C8orf74: variants seen among roughly 807,000 people sequenced by gnomAD.
C8orf74 encodes chromosome 8 open reading frame 74, also known as uncharacterized protein C8orf74.
In C8orf74, 29 loss-of-function variants were observed where a neutral mutation model predicts 22.2. That is an observed-to-expected ratio of 1.31 (90% confidence interval 0.97 to 1.78). The LOEUF is 1.78. Ranked by LOEUF, C8orf74 falls within the 40% of genes most tolerant of loss-of-function variation. The pLI, the probability that C8orf74 is intolerant of heterozygous loss-of-function variation, is 0.00. For missense variants in C8orf74, 515 were observed against 369.9 expected (o/e 1.39, Z -3.22); for synonymous variants, 255 against 163.1 (o/e 1.56, Z -4.30).
At chr8:10,696,778 T>C (rs1426394888) in intron 2 of C8orf74, among the ~76,000 whole-genome samples, 1 of 152,096 alleles carries the variant, frequency 6.6e-6, no homozygotes, top group Non-Finnish European at 1.5e-5. Flanking sequence ...GGGAATTCCT[T>C]TTCTACATTC....
intron 2 of C8orf74, among the ~76,000 whole-genome samples, chr8:10,685,008 C>A (rs577252505): frequency 6.6e-6 from 1 of 152,324 alleles, no homozygotes; most frequent in South Asian, 2.1e-4. Context: ...GATCCACTCC[C>A]CACAGGGGGC....
chr8:10,699,995 G>A (rs370329507), intron 3 of C8orf74, among the ~76,000 whole-genome samples: 69 of 152,342 alleles, frequency 4.5e-4, no homozygotes, highest in East Asian at 9.7e-4. Flanking sequence ...CCCATAGTCC[G>A]TGGCCATGGC....
chr8:10,699,777 G>A (rs1342124218), intron 3 of C8orf74, among the ~76,000 whole-genome samples: 1 of 152,224 alleles, frequency 6.6e-6, no homozygotes, highest in African/African-American at 2.4e-5. Context: ...GATGGTGGGG[G>A]CCCAGGGTAT....
At chr8:10,673,909 G>A in intron 1 of C8orf74, among the ~76,000 whole-genome samples, 1 of 150,088 alleles carries the variant, frequency 6.7e-6, no homozygotes, top group African/African-American at 2.5e-5. Context: ...ATCATACCCT[G>A]CAACCTCGAT....
chr8:10,683,556 TG>T (rs1197703339), intron 2 of C8orf74, among the ~76,000 whole-genome samples: 1 of 152,182 alleles, frequency 6.6e-6, no homozygotes, highest in African/African-American at 2.4e-5. Flanking sequence ...TGGGGGATGA[TG>T]ACCATGAGGA....
At chr8:10,680,783 G>T (rs955388932) in intron 2 of C8orf74, among the ~76,000 whole-genome samples, 3 of 152,150 alleles carry the variant, frequency 2.0e-5, no homozygotes, top group Non-Finnish European at 2.9e-5. Flanking sequence ...AGGCGGCCAG[G>T]GGCAGAAAGA....
intron 2 of C8orf74, among the ~76,000 whole-genome samples, chr8:10,690,016 T>C (rs13259038): frequency 0.11 from 16,311 of 152,178 alleles, 1,166 homozygotes; most frequent in Middle Eastern, 0.23. Flanking sequence ...ACCCACGTTG[T>C]CCCAGAGTCA....
Position 10,674,796 on chromosome 8 carries a change from C to T in C8orf74, c.199C>T (p.Gln67Ter). 1 of 1,605,870 alleles carries T rather than the reference C, an allele frequency of 6.2e-7. No individual in the cohort carries two copies. The highest frequency in any genetic ancestry group is 1.7e-4 in the Middle Eastern group (1 of 6,050). Residue 67 changes from glutamine to a stop codon, truncating the protein, a stop_gained, in exon 2 of 4, where the codon CAG becomes TAG. Transcript: ENST00000304519. LOFTEE classifies it high-confidence loss of function. ...AGGCTTCCCATGGGTGGAGGTGGCC[C>T]AGGTGGTCAAGTTCACAGAAGAGCT... ...GKGFPWVEVA[Q>*]VVKFTEELLR...
At chr8:10,674,151 T>G (rs1798975124) in intron 1 of C8orf74, among the ~76,000 whole-genome samples, 1 of 108,022 alleles carries the variant, frequency 9.3e-6, no homozygotes, top group South Asian at 3.4e-4. Context: ...AGACCACACA[T>G]CACACCCTGC....
At chr8:10,675,480 C>T (rs1268970602) in intron 2 of C8orf74, 1 of 152,254 alleles carries the variant, frequency 6.6e-6, no homozygotes, top group Non-Finnish European at 1.5e-5. Flanking sequence ...TGAGAACCAT[C>T]CATGGGTGCT....
At chr8:10,692,085 T>C (rs982268110) in intron 2 of C8orf74, 3 of 152,350 alleles carry the variant, frequency 2.0e-5, no homozygotes, top group Admixed American at 1.3e-4. Flanking sequence ...CAGAGCTCCT[T>C]CTTATCTCAC....
At chr8:10,696,816 A>G (rs1799511457) in intron 2 of C8orf74, among the ~76,000 whole-genome samples, 1 of 152,206 alleles carries the variant, frequency 6.6e-6, no homozygotes, top group Admixed American at 6.5e-5. Flanking sequence ...AGTTAGAAGT[A>G]GAAACAAGAT....
intron 2 of C8orf74, among the ~76,000 whole-genome samples, chr8:10,676,808 A>G (rs913506387): frequency 3.3e-5 from 5 of 152,114 alleles, no homozygotes; most frequent in Admixed American, 2.0e-4. Context: ...CCAGAGTTCA[A>G]TCCCGGTGTC....
Position 10,700,373 on chromosome 8 carries a change from A to AACCCCCCCC in C8orf74, c.787_788insACCCCCCCC (p.Thr263delinsAsnProProPro). The AACCCCCCCC allele has an allele frequency of 1.3e-6, 1 of 755,324 alleles. No individual in the cohort carries two copies. Among genetic ancestry groups the AACCCCCCCC allele is most frequent in the Non-Finnish European group, 2.1e-6 (1 of 480,358 alleles). The allele number at this position is 755,324 out of a possible 1,614,324, so 46.8% of individuals were successfully genotyped here. On this transcript the variant is annotated protein_altering_variant, in exon 4 of 4. Coordinates refer to ENST00000304519, the MANE Select transcript of C8orf74 (RefSeq NM_001040032.2). The stretch of plus-strand genomic sequence containing the variant: ...GAAGACTCTGAACCTCAACGCCCCC[A>AACCCCCCCC]CCCCTATCCCGCCCCCCATCACCAG...
intron 2 of C8orf74, among the ~76,000 whole-genome samples, chr8:10,685,318 G>C (rs1472966226): frequency 6.6e-6 from 1 of 152,212 alleles, no homozygotes; most frequent in Non-Finnish European, 1.5e-5. Flanking sequence ...ATTGAAAGTG[G>C]AGACTTGGGG....
chr8:10,688,305 A>T (rs1378239249), intron 2 of C8orf74: 1 of 152,182 alleles, frequency 6.6e-6, no homozygotes, highest in African/African-American at 2.4e-5. Flanking sequence ...GACTTCTAAC[A>T]TCATAGTTGG....
chr8:10,676,386 C>T (rs993109114), intron 2 of C8orf74, among the ~76,000 whole-genome samples: 1 of 152,070 alleles, frequency 6.6e-6, no homozygotes, highest in Non-Finnish European at 1.5e-5. Flanking sequence ...TCTGACCACC[C>T]CCAGGGCCAG....
intron 1 of C8orf74, among the ~76,000 whole-genome samples, chr8:10,673,997 C>A (rs1798970879): frequency 6.8e-6 from 1 of 146,744 alleles, no homozygotes; most frequent in Admixed American, 6.8e-5. Context: ...ACCCCACAAC[C>A]TTCACATCAT....
intron 2 of C8orf74, chr8:10,691,720 C>T (rs1296700775): frequency 6.6e-6 from 1 of 152,376 alleles, no homozygotes; most frequent in Non-Finnish European, 1.5e-5. Flanking sequence ...CGTCTGGCCT[C>T]AGTACCTCTC....
Sources: allele counts gnomAD v4.1 joint callset (sites outside exome capture counted in the v4.1 genomes callset), GRCh38; gene constraint gnomAD v4.1.1; transcripts MANE v1.5; gene names NCBI Gene and HGNC (gene_info 2026-07-23, HGNC 2026-07-21).